CTDSPL: variants seen among roughly 807,000 people sequenced by gnomAD.
The protein encoded by CTDSPL is CTD small phosphatase-like protein.
In CTDSPL, 8 loss-of-function variants were observed where a neutral mutation model predicts 30.5. That is an observed-to-expected ratio of 0.26 (90% CI 0.15 to 0.47). The LOEUF (loss-of-function observed/expected upper bound fraction) is 0.47. Among genes scored for constraint, CTDSPL ranks in the 20% least tolerant of loss-of-function variants. CTDSPL has a pLI of 0.99. For synonymous variants in CTDSPL, 110 were observed against 137.9 expected, an observed-to-expected ratio of 0.80 and a Z score of 1.42; for missense variants, 248 against 366.1, an observed-to-expected ratio of 0.68 and a Z score of 2.63.
At chr3:37,947,023 A>C in intron 1 of CTDSPL, 34 bp from the exon 2 acceptor site, 1 of 1,600,738 alleles carries the variant, frequency 6.2e-7, no homozygotes, top group Non-Finnish European at 8.5e-7. Context: ...TACATGCTGC[A>C]GTTGGCCATA....
Position 37,982,273 on chromosome 3 carries a change from C to A in CTDSPL, c.*1406C>A. 3.0e-6 allele frequency: 1 copy of A among 328,670 alleles called. No individual in the cohort carries two copies. The highest frequency in any genetic ancestry group is 2.5e-5 in the South Asian group (1 of 40,544). 20.4% of individuals were successfully genotyped at this position (328,670 alleles called of 1,614,324 possible). On this transcript the variant is annotated 3_prime_UTR_variant, in exon 8 of 8. Coordinates refer to ENST00000273179, the MANE Select transcript of CTDSPL (RefSeq NM_001008392.2). ...GGGAAGCCTGTCTAGATGTGGGACT[C>A]ATTGCCCCAAACCAGGGAGAGGAAG...
chr3:37,952,715 T>C (rs1400159743), intron 2 of CTDSPL, among the ~76,000 whole-genome samples: 3 of 152,190 alleles, frequency 2.0e-5, no homozygotes, highest in Non-Finnish European at 1.5e-5. Context: ...CACATGGCTA[T>C]CCAATAGCAA....
chr3:37,950,163 T>A (rs969506769), intron 2 of CTDSPL, among the ~76,000 whole-genome samples: 6 of 151,970 alleles, frequency 3.9e-5, no homozygotes, highest in African/African-American at 1.5e-4. Flanking sequence ...GTCTCTGAGG[T>A]TTGTTAACTT....
Position 37,968,232 on chromosome 3 carries a change from G to A in CTDSPL, c.426+350G>A, listed in dbSNP as rs80241158. 289 of 461,708 alleles carry A rather than the reference G, an allele frequency of 6.3e-4. 1 individual carries two copies. In the East Asian group the frequency reaches 0.012, roughly 20 times the overall value. The allele number at this position is 461,708 out of a possible 1,614,324, so 28.6% of individuals were successfully genotyped here. ...CTCTCCTAGCAGGCAACAGGAAAATGCCACAAGTCACCCACTTATGGTGGA... is the reference window on the plus strand; with the variant it reads ...CTCTCCTAGCAGGCAACAGGAAAATACCACAAGTCACCCACTTATGGTGGA... On this transcript the variant is annotated intron_variant, in intron 5 of 7. Coordinates refer to ENST00000273179, the MANE Select transcript of CTDSPL (RefSeq NM_001008392.2).
rs1373705679 is a variant in CTDSPL at position 37,862,554 on chromosome 3, A to T, written c.79+276A>T. Among the ~76,000 whole-genome samples, 2 of 151,990 alleles carry T rather than the reference A, an allele frequency of 1.3e-5. No individual in the cohort carries two copies. Among genetic ancestry groups the T allele is most frequent in the African/African-American group, 4.8e-5 (2 of 41,398 alleles). On this transcript the variant is annotated intron_variant, in intron 1 of 7. Transcript: ENST00000273179. This position sits in a 1 kb window ranked among gnomAD's most constrained non-coding sequence, Gnocchi z 4.3. The stretch of plus-strand genomic sequence containing the variant: ...TTTGTGTGCGCGCACGCCCGCAGAG[A>T]AGTTGTGAGCCTGTGTGTGCACCTA...
At chr3:37,874,149 G>A (rs965975190) in intron 1 of CTDSPL, among the ~76,000 whole-genome samples, 3 of 152,180 alleles carry the variant, frequency 2.0e-5, no homozygotes, top group Non-Finnish European at 4.4e-5. Flanking sequence ...TCCAGTCTGG[G>A]CTACCCTGAA....
intron 1 of CTDSPL, among the ~76,000 whole-genome samples, chr3:37,891,307 T>C (rs1559625920): frequency 6.6e-6 from 1 of 152,238 alleles, no homozygotes; most frequent in Admixed American, 6.5e-5. Context: ...TGTCTGGTTA[T>C]AATTGGACCA....
chr3:37,967,527 AAG>A (rs1378348580), intron 4 of CTDSPL, among the ~76,000 whole-genome samples: 12 of 152,244 alleles, frequency 7.9e-5, no homozygotes, highest in African/African-American at 2.9e-4. Flanking sequence ...GACTCTGGGC[AAG>A]AGCTGGAGTT....
At chr3:37,871,358 T>A (rs1698069511) in intron 1 of CTDSPL, among the ~76,000 whole-genome samples, 1 of 152,254 alleles carries the variant, frequency 6.6e-6, no homozygotes, top group African/African-American at 2.4e-5. Context: ...ATTCACCTAC[T>A]GAAGGGCATG....
intron 2 of CTDSPL, among the ~76,000 whole-genome samples, chr3:37,948,104 C>T (rs1295360335): frequency 3.3e-5 from 5 of 151,804 alleles, no homozygotes; most frequent in Non-Finnish European, 2.9e-5. Context: ...GCCAACATGG[C>T]GAAACCCCTT....
rs6798889 is a variant in CTDSPL at position 37,980,070 on chromosome 3, A to T, written c.706-672A>T. On this transcript the variant is annotated intron_variant, in intron 7 of 7. Transcript: ENST00000273179. ...ATCTTTAGATTTGTAAAAGGGCTAA[A>T]ATGTTACTTTTAAACATGTTTGGTT... 7.8e-3 allele frequency among the ~76,000 whole-genome samples: 1,191 copies of T among 152,294 alleles called. 9 individuals are homozygous for T. Among genetic ancestry groups the T allele is most frequent in the Non-Finnish European group, 0.014 (938 of 68,012 alleles).
intron 1 of CTDSPL, among the ~76,000 whole-genome samples, chr3:37,930,988 G>A (rs906160568): frequency 6.6e-6 from 1 of 151,968 alleles, no homozygotes; most frequent in African/African-American, 2.4e-5. Context: ...ATATAAGTAT[G>A]GCTACTTTTG....
rs2125584915 is a variant in CTDSPL at position 37,862,769 on chromosome 3, TG to T, written c.79+494del. Among the ~76,000 whole-genome samples, 1 of 152,268 alleles carries T rather than the reference TG, an allele frequency of 6.6e-6. No homozygotes were observed. Among genetic ancestry groups the T allele is most frequent in the Admixed American group, 6.5e-5 (1 of 15,298 alleles). Reference sequence around the variant, plus strand: ...GTGTTGTGTGTATTAGAGGTTTGTATGGGCCTGACTGAGGGGTTGTGGAATG... The same window carrying T: ...GTGTTGTGTGTATTAGAGGTTTGTATGGCCTGACTGAGGGGTTGTGGAATG... On this transcript the variant is annotated intron_variant, in intron 1 of 7. Transcript: ENST00000273179. The surrounding 1 kb of genome is among the most constrained non-coding windows in gnomAD (Gnocchi z 4.3).
intron 5 of CTDSPL, among the ~76,000 whole-genome samples, chr3:37,970,256 A>G (rs1699351983): frequency 6.6e-6 from 1 of 152,096 alleles, no homozygotes; most frequent in Non-Finnish European, 1.5e-5. Context: ...GTTATCTTCT[A>G]TGATCCCCTC....
rs939993023 is a variant in CTDSPL, at chr3:37,984,079, G to A, written c.*3212G>A. The A allele has an allele frequency of 2.1e-5, 8 of 388,808 alleles. No individual in the cohort carries two copies. Among genetic ancestry groups the A allele is most frequent in the African/African-American group, 8.2e-5 (4 of 49,030 alleles). The allele number at this position is 388,808 out of a possible 1,614,324, so 24.1% of individuals were successfully genotyped here. ...CAGCCCTATGGTCAAACAATCCTAC[G>A]TTTGTGCCTCTGCTTTTAAAGGTGC... On this transcript the variant is annotated 3_prime_UTR_variant, in exon 8 of 8. Coordinates refer to ENST00000273179, the MANE Select transcript of CTDSPL (RefSeq NM_001008392.2).
In CTDSPL at chr3:37,975,565, G is replaced by A. The variant is rs1041740530; in HGVS notation, c.520-144G>A. ...GAATCCAGTGCCATCTTATGTACAC[G>A]GAGAGGAAAATAACCAGGATCCTAA... On this transcript the variant is annotated intron_variant, in intron 6 of 7. Transcript: ENST00000273179. This position sits in a 1 kb window ranked among gnomAD's most constrained non-coding sequence, Gnocchi z 4.9. The A allele has an allele frequency of 1.5e-4, 103 of 668,554 alleles. No individual in the cohort carries two copies. Among genetic ancestry groups the A allele is most frequent in the African/African-American group, 1.4e-3 (78 of 55,514 alleles). The allele number at this position is 668,554 out of a possible 1,614,324, so 41.4% of individuals were successfully genotyped here. A position where few individuals can be genotyped will look rare whatever the true frequency, so the allele number is the denominator to read the frequency against.
intron 1 of CTDSPL, among the ~76,000 whole-genome samples, chr3:37,939,110 C>G (rs938180678): frequency 1.3e-5 from 2 of 150,090 alleles, no homozygotes; most frequent in African/African-American, 4.9e-5. Context: ...TAAAGCCAGG[C>G]TGTTTTTGTG....
chr3:37,896,441 T>G (rs1013939763), intron 1 of CTDSPL, among the ~76,000 whole-genome samples: 4 of 152,202 alleles, frequency 2.6e-5, no homozygotes, highest in Non-Finnish European at 5.9e-5. Context: ...ACCAGGGCCT[T>G]GAAAACCAAT....
At chr3:37,891,296 G>A (rs1464125707) in intron 1 of CTDSPL, among the ~76,000 whole-genome samples, 1 of 152,194 alleles carries the variant, frequency 6.6e-6, no homozygotes, top group Non-Finnish European at 1.5e-5. Context: ...GGCTCACTGT[G>A]TGTCTGGTTA....
Sources: allele counts gnomAD v4.1 joint callset (sites outside exome capture counted in the v4.1 genomes callset), GRCh38; gene constraint gnomAD v4.1.1; non-coding constraint Gnocchi (gnomAD v3.1); transcripts MANE v1.5; gene names NCBI Gene and HGNC (gene_info 2026-07-23, HGNC 2026-07-21).